The following RPRD1A variants were observed in gnomAD, a reference collection of about 807,000 sequenced individuals.
RPRD1A encodes the protein regulation of nuclear pre-mRNA domain-containing protein 1A.
Under a neutral mutation model 37.8 loss-of-function variants are expected in RPRD1A, and 9 were observed. The observed-to-expected ratio is 0.24, with a 90% CI of 0.14 to 0.42. The LOEUF is 0.42. RPRD1A is among the 10% of genes least tolerant of loss of function. RPRD1A has a pLI of 1.00. For synonymous variants in RPRD1A, 138 were observed against 139.7 expected, an observed-to-expected ratio of 0.99 and a Z score of 0.08; for missense variants, 255 against 371.0, an observed-to-expected ratio of 0.69 and a Z score of 2.57.
chr18:36,058,316 G>A (rs1913934274), intron 1 of RPRD1A, among the ~76,000 whole-genome samples: 1 of 151,994 alleles, frequency 6.6e-6, no homozygotes, highest in Non-Finnish European at 1.5e-5. Flanking sequence ...GTGCTGGCTG[G>A]GATTACAGGC....
intron 6 of RPRD1A, among the ~76,000 whole-genome samples, chr18:36,009,699 C>T (rs1910051719): frequency 6.6e-6 from 1 of 152,196 alleles, no homozygotes; most frequent in African/African-American, 2.4e-5. Context: ...ATGAATAGAA[C>T]TTACTGTGAC....
intron 1 of RPRD1A, among the ~76,000 whole-genome samples, chr18:36,053,114 A>C (rs547752483): frequency 2.6e-5 from 4 of 152,306 alleles, no homozygotes; most frequent in East Asian, 3.9e-4. Context: ...AGAGAAAAGA[A>C]AAAGTATATA....
In RPRD1A at chr18:36,025,447, C is replaced by T. The variant is rs968439630; in HGVS notation, c.789+1453G>A. Reference sequence around the variant, plus strand: ...GGGAAAAGGGGGTTGTGGGGAGTGGCATCTGATCTATTTTCTACAGTTACA... The same window carrying T: ...GGGAAAAGGGGGTTGTGGGGAGTGGTATCTGATCTATTTTCTACAGTTACA... On this transcript the variant is annotated intron_variant, in intron 6 of 6. Transcript: ENST00000399022. 2.3e-5 allele frequency: 8 copies of T among 343,148 alleles called. No homozygotes were observed. In the Admixed American group the frequency reaches 3.5e-4, roughly 15 times the overall value. The allele number at this position is 343,148 out of a possible 1,614,324, so 21.3% of individuals were successfully genotyped here.
At chr18:36,034,649 A>G (rs1022335417) in intron 1 of RPRD1A, among the ~76,000 whole-genome samples, 10 of 152,222 alleles carry the variant, frequency 6.6e-5, no homozygotes, top group African/African-American at 2.4e-4. Context: ...AATGTAGTAC[A>G]GTTATATTCA....
At position 35,991,616 on chromosome 18, in the gene RPRD1A, A is replaced by G. The variant is rs1027305162; in HGVS notation, c.*1535T>C. On this transcript the variant is annotated 3_prime_UTR_variant, in exon 7 of 7. Transcript: ENST00000399022. ...TGAGAAAATGCACCCCAAGTCCCAAAAGTTGACTAAAAACTTTGGAATAAG... is the reference window on the plus strand; with the variant it reads ...TGAGAAAATGCACCCCAAGTCCCAAGAGTTGACTAAAAACTTTGGAATAAG... 3 of 152,166 alleles carry G rather than the reference A, an allele frequency of 2.0e-5. No individual in the cohort carries two copies. The highest frequency in any genetic ancestry group is 4.4e-5 in the Non-Finnish European group (3 of 68,034). 9.4% of individuals were successfully genotyped at this position (152,166 alleles called of 1,614,324 possible). A position where few individuals can be genotyped will look rare whatever the true frequency, so the allele number is the denominator to read the frequency against.
chr18:36,066,065 A>T (rs949030033), intron 1 of RPRD1A, among the ~76,000 whole-genome samples: 1 of 152,246 alleles, frequency 6.6e-6, no homozygotes, highest in Non-Finnish European at 1.5e-5. Flanking sequence ...GCTACTTTCC[A>T]GACCTTTATA....
chr18:36,008,410 T>C (rs1346732915), intron 6 of RPRD1A, among the ~76,000 whole-genome samples: 2 of 151,380 alleles, frequency 1.3e-5, no homozygotes, highest in East Asian at 3.9e-4. Flanking sequence ...AGATCTCCTC[T>C]ACAGAAAGCA....
intron 1 of RPRD1A, among the ~76,000 whole-genome samples, chr18:36,040,292 C>T (rs1258163905): frequency 2.6e-5 from 4 of 152,166 alleles, no homozygotes; most frequent in African/African-American, 4.8e-5. Context: ...GCATTAGCTA[C>T]TAGGAATAAA....
chr18:36,004,000 CTTTT>C (rs34397005), intron 6 of RPRD1A, among the ~76,000 whole-genome samples: 929 of 85,124 alleles, frequency 0.011, 11 homozygotes, highest in African/African-American at 0.044. Flanking sequence ...CAGACACAGA[CTTTT>C]TTTTTTTTTT....
chr18:36,047,145 T>C (rs1913016935), intron 1 of RPRD1A, among the ~76,000 whole-genome samples: 1 of 151,716 alleles, frequency 6.6e-6, no homozygotes, highest in Non-Finnish European at 1.5e-5. Context: ...AGGTTGGAGG[T>C]TACAGTGAGC....
At chr18:36,001,686 C>T (rs1439591274) in intron 6 of RPRD1A, among the ~76,000 whole-genome samples, 1 of 152,170 alleles carries the variant, frequency 6.6e-6, no homozygotes, top group Non-Finnish European at 1.5e-5. Context: ...TCCAAAAGTA[C>T]AATCTGGTTT....
chr18:36,036,755 T>G (rs1912217999), intron 1 of RPRD1A, among the ~76,000 whole-genome samples: 1 of 152,206 alleles, frequency 6.6e-6, no homozygotes, highest in Admixed American at 6.5e-5. Flanking sequence ...AAATGAATTT[T>G]GATATTTTTA....
chr18:36,019,097 CATTG>C (rs1200912086), intron 6 of RPRD1A, among the ~76,000 whole-genome samples: 1 of 148,314 alleles, frequency 6.7e-6, no homozygotes, highest in Non-Finnish European at 1.5e-5. Flanking sequence ...TAATGGGGAC[CATTG>C]ATTTTTTTTT....
chr18:36,048,841 C>T (rs907636275), intron 1 of RPRD1A, among the ~76,000 whole-genome samples: 5 of 152,068 alleles, frequency 3.3e-5, no homozygotes, highest in Admixed American at 3.3e-4. Flanking sequence ...ATAAAACTGT[C>T]CTTATTTGCA....
rs1443349651 is a variant in RPRD1A, at chr18:35,993,008, T to G, written c.*143A>C. Reference sequence around the variant, plus strand: ...AATAAAATAGTAAACAAACCAACATTTTAAACAATTTTATAAATTACTCGT... The same window carrying G: ...AATAAAATAGTAAACAAACCAACATGTTAAACAATTTTATAAATTACTCGT... On this transcript the variant is annotated 3_prime_UTR_variant, in exon 7 of 7. Coordinates refer to ENST00000399022, the MANE Select transcript of RPRD1A (RefSeq NM_018170.5). 7.7e-6 allele frequency: 5 copies of G among 651,450 alleles called. No homozygotes were observed. Among genetic ancestry groups the G allele is most frequent in the Non-Finnish European group, 1.1e-5 (5 of 437,262 alleles). The allele number at this position is 651,450 out of a possible 1,614,324, so 40.4% of individuals were successfully genotyped here.
chr18:36,011,648 C>T (rs983826866), intron 6 of RPRD1A, among the ~76,000 whole-genome samples: 12 of 152,108 alleles, frequency 7.9e-5, no homozygotes, highest in Non-Finnish European at 1.6e-4. Flanking sequence ...TTAACAATGG[C>T]AGATGTTAAA....
At chr18:36,018,313 G>A (rs564510777) in intron 6 of RPRD1A, among the ~76,000 whole-genome samples, 1 of 145,304 alleles carries the variant, frequency 6.9e-6, no homozygotes, top group Non-Finnish European at 1.5e-5. Context: ...TCGCTCTGTC[G>A]CCCAGGCTGG....
intron 6 of RPRD1A, among the ~76,000 whole-genome samples, chr18:36,018,419 G>A (rs543355368): frequency 2.0e-5 from 3 of 152,070 alleles, no homozygotes; most frequent in East Asian, 1.9e-4. Context: ...GACTACAGGC[G>A]CCCGCCACCA....
intron 1 of RPRD1A, among the ~76,000 whole-genome samples, chr18:36,039,969 C>T (rs1223217925): frequency 1.3e-5 from 2 of 151,940 alleles, no homozygotes; most frequent in Admixed American, 6.6e-5. Context: ...AGGTCTTGTA[C>T]AAGAAAATCA....
Sources: allele counts gnomAD v4.1 joint callset (sites outside exome capture counted in the v4.1 genomes callset), GRCh38; gene constraint gnomAD v4.1.1; transcripts MANE v1.5; gene names NCBI Gene and HGNC (gene_info 2026-07-23, HGNC 2026-07-21).